Variants in SPAG16 observed in about 807,000 individuals in gnomAD.
The protein encoded by SPAG16 is sperm-associated antigen 16 protein.
In SPAG16, 86 loss-of-function variants were observed where a neutral mutation model predicts 80.4. That is an observed-to-expected ratio of 1.07 (90% confidence interval 0.90 to 1.28). The LOEUF is 1.28. Among genes scored for constraint, SPAG16 ranks in the 50% most tolerant of loss-of-function variants. The pLI, the probability that SPAG16 is intolerant of heterozygous loss-of-function variation, is 0.00. For synonymous variants in SPAG16, 294 were observed against 265.9 expected (o/e 1.11, Z -1.03); for missense variants, 870 against 765.3 (o/e 1.14, Z -1.61).
chr2:213,287,126 T>C (rs780267367), intron 1 of SPAG16, among the ~76,000 whole-genome samples: 5 of 152,256 alleles, frequency 3.3e-5, no homozygotes, highest in Admixed American at 6.5e-5. Context: ...AATTGAGTTA[T>C]GGAGTATATG....
chr2:214,007,434 A>C (rs2047079420), intron 12 of SPAG16, among the ~76,000 whole-genome samples: 1 of 148,280 alleles, frequency 6.7e-6, no homozygotes, highest in Admixed American at 6.7e-5. Flanking sequence ...TATCTCTACA[A>C]AAAAAAAAAA....
At chr2:213,485,984 G>T (rs1446625394) in intron 9 of SPAG16, among the ~76,000 whole-genome samples, 1 of 152,032 alleles carries the variant, frequency 6.6e-6, no homozygotes, top group Non-Finnish European at 1.5e-5. Context: ...ATTGTTTTCA[G>T]GGTACATGTG....
intron 15 of SPAG16, among the ~76,000 whole-genome samples, chr2:214,297,460 T>A (rs1276813624): frequency 1.3e-5 from 2 of 152,172 alleles, no homozygotes; most frequent in Admixed American, 6.5e-5. Flanking sequence ...AGGTCTTACA[T>A]TTAAGTCTTT....
At chr2:214,082,763 A>G (rs2051466217) in intron 13 of SPAG16, among the ~76,000 whole-genome samples, 1 of 152,190 alleles carries the variant, frequency 6.6e-6, no homozygotes, top group Non-Finnish European at 1.5e-5. Flanking sequence ...CCTGGTAATA[A>G]TCACTGGCCT....
At chr2:213,439,413 C>T (rs2070812424) in intron 9 of SPAG16, among the ~76,000 whole-genome samples, 1 of 152,052 alleles carries the variant, frequency 6.6e-6, no homozygotes, top group Admixed American at 6.6e-5. Flanking sequence ...ATGGTCAGGA[C>T]TTAGAAAGAA....
At chr2:213,805,508 G>C (rs2071712206) in intron 10 of SPAG16, among the ~76,000 whole-genome samples, 1 of 152,178 alleles carries the variant, frequency 6.6e-6, no homozygotes, top group Non-Finnish European at 1.5e-5. Flanking sequence ...AAGATACAGG[G>C]AAGTACCTTT....
In SPAG16 at chr2:213,990,327, CT is replaced by C. The variant is rs1559665373; in HGVS notation, c.1401-23618del. ...TGTATTAGAGCTAAGAAATTAATCA[CT>C]TTTTTGCAATACACGTGATTCTTAA... is the stretch of plus-strand genomic sequence containing the variant. On this transcript the variant is annotated intron_variant, in intron 12 of 15. Transcript: ENST00000331683. Among the ~76,000 whole-genome samples the C allele has an allele frequency of 1.4e-4, 19 of 132,654 alleles. No individual in the cohort carries two copies. The South Asian group carries it at 4.1e-3, about 29-fold the overall frequency. The allele number at this position is 132,654 out of a possible 152,430, so 87.0% of individuals were successfully genotyped here.
chr2:214,245,498 A>G (rs2125835435), intron 15 of SPAG16, among the ~76,000 whole-genome samples: 1 of 152,324 alleles, frequency 6.6e-6, no homozygotes, highest in Middle Eastern at 3.4e-3. Context: ...TCTCTATACA[A>G]TCAAAAGAAT....
intron 11 of SPAG16, among the ~76,000 whole-genome samples, chr2:213,878,915 A>G (rs1243717178): frequency 6.6e-6 from 1 of 152,008 alleles, no homozygotes; most frequent in Non-Finnish European, 1.5e-5. Context: ...CCCTTTCCCC[A>G]GTGCATGTTT....
chr2:213,783,629 C>T (rs2125589006), intron 10 of SPAG16, among the ~76,000 whole-genome samples: 1 of 75,662 alleles, frequency 1.3e-5, no homozygotes, highest in East Asian at 3.5e-4. Flanking sequence ...TATATTTATA[C>T]AGTTTATGTT....
intron 15 of SPAG16, among the ~76,000 whole-genome samples, chr2:214,368,591 C>G (rs139059035): frequency 4.3e-3 from 653 of 152,170 alleles, no homozygotes; most frequent in Non-Finnish European, 7.1e-3. Flanking sequence ...AATCTCACCT[C>G]AATCAACAAC....
At chr2:214,203,281 A>C (rs1341309776) in intron 15 of SPAG16, among the ~76,000 whole-genome samples, 1 of 152,120 alleles carries the variant, frequency 6.6e-6, no homozygotes, top group East Asian at 1.9e-4. Flanking sequence ...AGTTCTTTAA[A>C]GCATTTAAGT....
chr2:213,358,090 TC>T (rs2065768644), intron 7 of SPAG16, among the ~76,000 whole-genome samples: 1 of 152,214 alleles, frequency 6.6e-6, no homozygotes, highest in African/African-American at 2.4e-5. Context: ...TGGCCCCCAC[TC>T]TCTTCTGGCT....
intron 12 of SPAG16, among the ~76,000 whole-genome samples, chr2:213,930,474 C>T (rs923118964): frequency 6.6e-5 from 10 of 152,034 alleles, no homozygotes; most frequent in Non-Finnish European, 1.2e-4. Context: ...TTTTTAGTTC[C>T]GCTTTCCACA....
intron 15 of SPAG16, among the ~76,000 whole-genome samples, chr2:214,305,268 A>T (rs1694833194): frequency 6.6e-6 from 1 of 152,116 alleles, no homozygotes; most frequent in South Asian, 2.1e-4. Context: ...GACTCTTGTT[A>T]TTAGACCTTT....
At chr2:213,445,529 G>A (rs1332463036) in intron 9 of SPAG16, among the ~76,000 whole-genome samples, 1 of 152,122 alleles carries the variant, frequency 6.6e-6, no homozygotes, top group Non-Finnish European at 1.5e-5. Flanking sequence ...GGGCGTAGTG[G>A]TGGGCTCCTG....
chr2:213,370,466 A>G (rs1381090516), intron 8 of SPAG16, among the ~76,000 whole-genome samples: 1 of 152,150 alleles, frequency 6.6e-6, no homozygotes, highest in African/African-American at 2.4e-5. Flanking sequence ...TTGTTTTCAT[A>G]TTAAGATAAG....
intron 10 of SPAG16, among the ~76,000 whole-genome samples, chr2:213,613,167 C>T (rs2061492661): frequency 6.6e-6 from 1 of 152,148 alleles, no homozygotes; most frequent in South Asian, 2.1e-4. Flanking sequence ...ACAGTGATCT[C>T]CAAACTGGTT....
intron 10 of SPAG16, among the ~76,000 whole-genome samples, chr2:213,680,612 C>T (rs566560378): frequency 7.2e-5 from 11 of 152,114 alleles, no homozygotes; most frequent in African/African-American, 2.7e-4. Flanking sequence ...AGCATCCTTG[C>T]AAGTAGGGAG....
Sources: allele counts gnomAD v4.1 joint callset (sites outside exome capture counted in the v4.1 genomes callset), GRCh38; gene constraint gnomAD v4.1.1; transcripts MANE v1.5; gene names NCBI Gene and HGNC (gene_info 2026-07-23, HGNC 2026-07-21).